ZC4H2: variants seen among roughly 807,000 people sequenced by gnomAD.
ZC4H2 encodes zinc finger C4H2-type containing.
For missense variants in ZC4H2, 137 were observed against 173.9 expected, an observed-to-expected ratio of 0.79 and a Z score of 1.19; for synonymous variants, 84 against 66.3, an observed-to-expected ratio of 1.27 and a Z score of -1.30.
chrX:64,949,609 A>G (rs1930695457), intron 1 of ZC4H2, among the ~76,000 whole-genome samples: 1 of 111,777 alleles, frequency 8.9e-6, no homozygotes, highest in Non-Finnish European at 1.9e-5. Flanking sequence ...AACTTTCCTC[A>G]GGTTATATTT....
At position 64,920,227 on chromosome X, in the gene ZC4H2, C is replaced by A; in HGVS notation, c.252G>T (p.Glu84Asp). The A allele has an allele frequency of 8.3e-7, 1 of 1,210,676 alleles. No homozygotes were observed. The change falls in exon 3 of 5, where the codon GAG becomes GAT. Residue 84 changes from glutamate (E) to aspartate (D), a missense_variant. By Grantham distance (45) the Glu-to-Asp change is conservative. Transcript: ENST00000374839. ...ACTCTAGCAGCTTGTTTAGGTCATTCTCAGATTGTTTGATAGTGTTTTCCA... is the reference window on the plus strand; with the variant it reads ...ACTCTAGCAGCTTGTTTAGGTCATTATCAGATTGTTTGATAGTGTTTTCCA... ...NVMENTIKQSENDLNKLLEST... is the reference protein window; with the variant it reads ...NVMENTIKQSDNDLNKLLEST...
chrX:64,995,101 C>A (rs1932385490), intron 1 of ZC4H2, among the ~76,000 whole-genome samples: 1 of 106,074 alleles, frequency 9.4e-6, no homozygotes, highest in Non-Finnish European at 1.9e-5. Flanking sequence ...TCACAGAATC[C>A]CCTTGTCATT....
chrX:65,005,400 A>C (rs1932634964), intron 1 of ZC4H2, among the ~76,000 whole-genome samples: 1 of 111,546 alleles, frequency 9.0e-6, no homozygotes, highest in Non-Finnish European at 1.9e-5. Context: ...CCAATAGAAC[A>C]GAACAGAGGC....
At chrX:64,921,088 C>T (rs1485411213) in intron 2 of ZC4H2, among the ~76,000 whole-genome samples, 3 of 112,469 alleles carry the variant, frequency 2.7e-5, no homozygotes, top group Non-Finnish European at 5.6e-5. Context: ...CCTTTATGAT[C>T]CTAGGTCTGA....
chrX:64,938,850 T>G (rs966887203), intron 1 of ZC4H2, among the ~76,000 whole-genome samples: 74 of 112,161 alleles, frequency 6.6e-4, no homozygotes, highest in African/African-American at 2.3e-3. Flanking sequence ...GGGCAACAGC[T>G]GGAAGCATTT....
chrX:64,933,934 A>C (rs1024853312), intron 1 of ZC4H2, among the ~76,000 whole-genome samples: 3 of 111,607 alleles, frequency 2.7e-5, no homozygotes, highest in African/African-American at 9.8e-5. Flanking sequence ...AGACTTGATA[A>C]GGGTGTTGGA....
intron 1 of ZC4H2, among the ~76,000 whole-genome samples, chrX:65,005,184 C>T (rs1368818353): frequency 1.8e-5 from 2 of 111,379 alleles, no homozygotes; most frequent in Admixed American, 1.9e-4. Flanking sequence ...TCAATGCTAC[C>T]CCCATCAAGC....
At chrX:64,960,877 T>C (rs897637542) in intron 1 of ZC4H2, among the ~76,000 whole-genome samples, 2 of 112,043 alleles carry the variant, frequency 1.8e-5, no homozygotes, top group Non-Finnish European at 3.8e-5. Flanking sequence ...CTTAATGTGT[T>C]CTATCCTGGA....
intron 1 of ZC4H2, among the ~76,000 whole-genome samples, chrX:65,020,504 C>A (rs1330663054): frequency 1.8e-5 from 2 of 111,953 alleles, no homozygotes; most frequent in African/African-American, 3.3e-5. Flanking sequence ...TTTGTCACCA[C>A]TAGGCCTGCC....
At chrX:65,023,181 T>C (rs1469889678) in intron 1 of ZC4H2, among the ~76,000 whole-genome samples, 1 of 111,706 alleles carries the variant, frequency 9.0e-6, no homozygotes, top group Non-Finnish European at 1.9e-5. Context: ...AGTAGTTTTT[T>C]CCAATTCTGT....
intron 1 of ZC4H2, among the ~76,000 whole-genome samples, chrX:65,004,862 T>A (rs1932623921): frequency 8.9e-6 from 1 of 112,080 alleles, no homozygotes; most frequent in African/African-American, 3.2e-5. Context: ...CTCCTTAAGC[T>A]GATAAGCAAC....
At chrX:65,011,167 T>C (rs1440062057) in intron 1 of ZC4H2, among the ~76,000 whole-genome samples, 4 of 112,195 alleles carry the variant, frequency 3.6e-5, no homozygotes, top group African/African-American at 1.3e-4. Flanking sequence ...TCTACAAATG[T>C]TGATAGTTTT....
intron 1 of ZC4H2, among the ~76,000 whole-genome samples, chrX:64,948,906 C>T (rs1188880530): frequency 1.8e-5 from 2 of 111,452 alleles, no homozygotes; most frequent in Middle Eastern, 4.3e-3. Flanking sequence ...GTAAAAGGTT[C>T]GTAAAAATTA....
intron 1 of ZC4H2, among the ~76,000 whole-genome samples, chrX:64,968,760 A>G (rs1355984612): frequency 9.0e-6 from 1 of 111,460 alleles, no homozygotes; most frequent in Non-Finnish European, 1.9e-5. Context: ...TTGGACCAGT[A>G]TTCCTGAGCT....
At chrX:65,033,274 A>C (rs897664508) in intron 1 of ZC4H2, among the ~76,000 whole-genome samples, 3 of 112,661 alleles carry the variant, frequency 2.7e-5, no homozygotes. Flanking sequence ...AGATCAAGTA[A>C]ATAAGCCCCT....
At chrX:64,975,899 C>G (rs143776252) in intron 1 of ZC4H2, among the ~76,000 whole-genome samples, 1,696 of 111,414 alleles carry the variant, frequency 0.015, 13 homozygotes, top group Non-Finnish European at 0.02. Flanking sequence ...AGCCACCAGC[C>G]CCGATGCGCT....
rs1052911642 is a variant in ZC4H2, at chrX:65,021,602, C to A, written c.-272+13027G>T. 4.2e-4 allele frequency among the ~76,000 whole-genome samples: 46 copies of A among 110,787 alleles called. 1 individual carries two copies. The highest frequency in any genetic ancestry group is 3.6e-3 in the Admixed American group (38 of 10,494). On this transcript the variant is annotated intron_variant, in intron 1 of 4. Transcript: ENST00000337990. ...AGATCTAAAATTGACACCCTAGCAT[C>A]GCAATGAAAAGAACTTGAGAAGCAA...
chrX:65,030,838 T>C (rs1481776683), intron 1 of ZC4H2, among the ~76,000 whole-genome samples: 2 of 111,548 alleles, frequency 1.8e-5, no homozygotes, highest in Non-Finnish European at 3.8e-5. Flanking sequence ...ACCCCTGATA[T>C]CTTATTACCC....
intron 1 of ZC4H2, among the ~76,000 whole-genome samples, chrX:64,931,411 T>C (rs1929738656): frequency 9.0e-6 from 1 of 111,553 alleles, no homozygotes; most frequent in Non-Finnish European, 1.9e-5. Flanking sequence ...TAGTTTGTTC[T>C]TGTTTCCCTT....
Sources: gnomAD v4.1 joint callset for allele counts (sites outside exome capture counted in the v4.1 genomes callset) on GRCh38, gnomAD v4.1.1 for gene constraint, MANE v1.5 for transcripts, NCBI Gene and HGNC (gene_info 2026-07-23, HGNC 2026-07-21) for gene names.